The following TSHZ1 variants were observed in gnomAD, a reference collection of about 807,000 sequenced individuals.
TSHZ1 encodes teashirt zinc finger homeobox 1, also known as teashirt homolog 1.
Under a neutral mutation model 67.1 loss-of-function variants are expected in TSHZ1, and 12 were observed. The observed-to-expected ratio is 0.18, with a 90% CI of 0.11 to 0.29. The LOEUF is 0.29. TSHZ1 is among the 10% of genes least tolerant of loss of function. TSHZ1 has a pLI of 1.00. For missense variants in TSHZ1, 1,305 were observed against 1,413.9 expected (o/e 0.92, Z 1.23); for synonymous variants, 632 against 622.4 (o/e 1.02, Z -0.23).
intron 1 of TSHZ1, among the ~76,000 whole-genome samples, chr18:75,214,969 A>G (rs1404632707): frequency 6.6e-6 from 1 of 152,030 alleles, no homozygotes; most frequent in Non-Finnish European, 1.5e-5. Context: ...TATTAACTCA[A>G]TTTGCTGGTG....
At chr18:75,259,296 C>A (rs1043637422) in intron 1 of TSHZ1, among the ~76,000 whole-genome samples, 1 of 152,178 alleles carries the variant, frequency 6.6e-6, no homozygotes, top group South Asian at 2.1e-4. Context: ...GTAGCTGCCC[C>A]GCTTATCCTC....
At chr18:75,237,075 G>A (rs17056720) in intron 1 of TSHZ1, among the ~76,000 whole-genome samples, 41,735 of 152,080 alleles carry the variant, frequency 0.27, 6,207 homozygotes, top group East Asian at 0.54. Context: ...GCGGCTTCTG[G>A]GTGGCCGTTA....
At chr18:75,277,527 T>C (rs2023628897) in intron 1 of TSHZ1, among the ~76,000 whole-genome samples, 1 of 151,820 alleles carries the variant, frequency 6.6e-6, no homozygotes, top group East Asian at 1.9e-4. Context: ...AGGTGGGAGA[T>C]CAAGGCAGCA....
intron 1 of TSHZ1, among the ~76,000 whole-genome samples, chr18:75,246,407 T>TGG (rs2122558302): frequency 1.5e-5 from 1 of 65,540 alleles, no homozygotes; most frequent in South Asian, 4.0e-4. Flanking sequence ...GTTTCTGGTG[T>TGG]GTGTGTGTGT....
chr18:75,255,592 A>G (rs1201120561), intron 1 of TSHZ1, among the ~76,000 whole-genome samples: 1 of 152,206 alleles, frequency 6.6e-6, no homozygotes, highest in Non-Finnish European at 1.5e-5. Context: ...TGCCAGTTGT[A>G]TTTTTTAGTA....
At chr18:75,283,981 C>G (rs141246077) in intron 1 of TSHZ1, 1 of 152,406 alleles carries the variant, frequency 6.6e-6, no homozygotes, top group East Asian at 1.9e-4. Flanking sequence ...TAATGAGACA[C>G]CCCTCTCAGG....
chr18:75,235,965 C>T (rs887346415), intron 1 of TSHZ1, among the ~76,000 whole-genome samples: 3 of 152,194 alleles, frequency 2.0e-5, no homozygotes, highest in African/African-American at 4.8e-5. Flanking sequence ...TCAGGTTCTG[C>T]GTTTCAGACC....
intron 1 of TSHZ1, among the ~76,000 whole-genome samples, chr18:75,240,997 G>C (rs1193925025): frequency 1.3e-5 from 2 of 152,192 alleles, no homozygotes; most frequent in Admixed American, 6.5e-5. Context: ...GGCTCTAGGG[G>C]CTCCTGCTGG....
At chr18:75,285,265 G>A (rs1599059541) in intron 1 of TSHZ1, 183 bp from the exon 2 acceptor site, 1 of 570,336 alleles carries the variant, frequency 1.8e-6, no homozygotes, top group Non-Finnish European at 2.8e-6. Flanking sequence ...GACACACTCA[G>A]GAGGGGACAG....
intron 1 of TSHZ1, among the ~76,000 whole-genome samples, chr18:75,235,512 C>G (rs1283208894): frequency 1.3e-5 from 2 of 152,060 alleles, no homozygotes; most frequent in Admixed American, 1.3e-4. Flanking sequence ...AACTGCTGGC[C>G]CATTCATTTG....
intron 1 of TSHZ1, among the ~76,000 whole-genome samples, chr18:75,248,066 C>G (rs1214431770): frequency 6.6e-6 from 1 of 152,036 alleles, no homozygotes. Context: ...GAGGTTGGAA[C>G]AATAGAAGCC....
At chr18:75,254,590 G>T (rs745814432) in intron 1 of TSHZ1, among the ~76,000 whole-genome samples, 1 of 152,144 alleles carries the variant, frequency 6.6e-6, no homozygotes, top group Non-Finnish European at 1.5e-5. Context: ...CAAATTAAAA[G>T]TAGTAAATTG....
At chr18:75,213,480 A>T (rs2022725759) in intron 1 of TSHZ1, among the ~76,000 whole-genome samples, 1 of 152,118 alleles carries the variant, frequency 6.6e-6, no homozygotes, top group Non-Finnish European at 1.5e-5. Context: ...ATTTTTTTTT[A>T]AATGACAGAA....
intron 1 of TSHZ1, among the ~76,000 whole-genome samples, chr18:75,282,004 C>T (rs1426612850): frequency 6.6e-6 from 1 of 152,138 alleles, no homozygotes; most frequent in Non-Finnish European, 1.5e-5. Flanking sequence ...TGGACCCCCT[C>T]CTTCGACGTC....
chr18:75,217,698 AT>A (rs759324475), intron 1 of TSHZ1, among the ~76,000 whole-genome samples: 80 of 152,192 alleles, frequency 5.3e-4, no homozygotes, highest in Non-Finnish European at 1.1e-3. Flanking sequence ...GCAAAATATT[AT>A]GTATATGGGT....
At chr18:75,239,839 C>T (rs965953165) in intron 1 of TSHZ1, among the ~76,000 whole-genome samples, 4 of 152,174 alleles carry the variant, frequency 2.6e-5, no homozygotes, top group African/African-American at 9.7e-5. Flanking sequence ...AGGACATGTA[C>T]ATTTATGTTG....
chr18:75,268,292 G>A (rs1266411230), intron 1 of TSHZ1, among the ~76,000 whole-genome samples: 9 of 152,320 alleles, frequency 5.9e-5, no homozygotes, highest in South Asian at 2.1e-4. Context: ...TTGACATGCC[G>A]TGCATTACCA....
intron 1 of TSHZ1, among the ~76,000 whole-genome samples, chr18:75,262,821 A>G (rs1219152514): frequency 2.0e-5 from 3 of 152,090 alleles, no homozygotes; most frequent in African/African-American, 7.2e-5. Context: ...GAGAAGCATT[A>G]CCACCCTCTC....
In TSHZ1 at chr18:75,289,623, G is replaced by A. The variant is rs914551559; in HGVS notation, c.*982G>A. On this transcript the variant is annotated 3_prime_UTR_variant, in exon 2 of 2. Coordinates refer to ENST00000580243, the MANE Select transcript of TSHZ1 (RefSeq NM_001308210.2). ...CTTTCTTTGTACCTTCTGGCTGTAT[G>A]CTTTCTCTTTTAACTTTTTATATTG... The A allele has an allele frequency of 1.2e-5, 2 of 166,962 alleles. No homozygotes were observed. Among genetic ancestry groups the A allele is most frequent in the African/African-American group, 4.8e-5 (2 of 41,412 alleles). 10.3% of individuals were successfully genotyped at this position (166,962 alleles called of 1,614,324 possible). A position where few individuals can be genotyped will look rare whatever the true frequency, so the allele number is the denominator to read the frequency against.
Sources: gnomAD v4.1 joint callset for allele counts (sites outside exome capture counted in the v4.1 genomes callset) on GRCh38, gnomAD v4.1.1 for gene constraint, MANE v1.5 for transcripts, NCBI Gene and HGNC (gene_info 2026-07-23, HGNC 2026-07-21) for gene names.